INTS9: variants seen among roughly 807,000 people sequenced by gnomAD.
The protein encoded by INTS9 is integrator complex subunit 9.
A neutral mutation model predicts 79.7 loss-of-function variants in INTS9; 55 were observed. The observed-to-expected ratio is 0.69, with a 90% CI of 0.56 to 0.86. INTS9 has a LOEUF of 0.86. INTS9 is among the 40% of genes least tolerant of loss of function. The pLI is 0.00. For missense variants in INTS9, 721 were observed against 831.5 expected, an observed-to-expected ratio of 0.87 and a Z score of 1.64; for synonymous variants, 319 against 325.2, an observed-to-expected ratio of 0.98 and a Z score of 0.20.
rs184359363 is a variant in INTS9 at position 28,807,806 on chromosome 8, T to C, written c.744+4521A>G. Among the ~76,000 whole-genome samples, 8 of 152,334 alleles carry C rather than the reference T, an allele frequency of 5.3e-5. No homozygotes were observed. The East Asian group carries it at 1.5e-3, about 29-fold the overall frequency. On this transcript the variant is annotated intron_variant, in intron 8 of 16. Coordinates refer to ENST00000521022, the MANE Select transcript of INTS9 (RefSeq NM_018250.4). ...CAAAAGCTTTCCTTTTACAGCCTTA[T>C]ACAAGACAAGGATGTCCACTATCAT...
chr8:28,860,946 T>A (rs1016075003), intron 1 of INTS9, among the ~76,000 whole-genome samples: 1 of 152,224 alleles, frequency 6.6e-6, no homozygotes, highest in Non-Finnish European at 1.5e-5. Context: ...CAGAGGATGT[T>A]ACAGGAACTG....
intron 2 of INTS9, among the ~76,000 whole-genome samples, chr8:28,856,073 T>C (rs1387101381): frequency 6.6e-6 from 1 of 152,246 alleles, no homozygotes; most frequent in East Asian, 1.9e-4. Context: ...AAAAGATGAC[T>C]CTTGATTGAG....
intron 5 of INTS9, among the ~76,000 whole-genome samples, chr8:28,835,647 A>T (rs1268011028): frequency 6.6e-6 from 1 of 152,166 alleles, no homozygotes; most frequent in Non-Finnish European, 1.5e-5. Flanking sequence ...TCTTGTCTCT[A>T]ATCATAGAAA....
intron 11 of INTS9, among the ~76,000 whole-genome samples, chr8:28,786,871 C>T (rs867097663): frequency 3.3e-5 from 5 of 152,266 alleles, no homozygotes; most frequent in South Asian, 4.1e-4. Flanking sequence ...GCACCCGCCA[C>T]CACGCCTGGC....
intron 2 of INTS9, among the ~76,000 whole-genome samples, 180 bp from the exon 3 acceptor site, chr8:28,850,453 T>G (rs557669906): frequency 1.3e-5 from 2 of 150,930 alleles, no homozygotes; most frequent in Non-Finnish European, 2.9e-5. Context: ...TTAAAAATTA[T>G]GTGGCAATAG....
chr8:28,836,350 G>A (rs1301759129), intron 5 of INTS9, among the ~76,000 whole-genome samples: 3 of 152,114 alleles, frequency 2.0e-5, no homozygotes, highest in Non-Finnish European at 2.9e-5. Context: ...AGAGAACTGC[G>A]GGAATTCTTG....
intron 4 of INTS9, among the ~76,000 whole-genome samples, chr8:28,840,399 C>G (rs1322002690): frequency 2.9e-4 from 43 of 146,684 alleles, no homozygotes; most frequent in African/African-American, 1.0e-3. Context: ...CCTCAGGGAT[C>G]TAGAACTAGA....
chr8:28,833,355 C>T lies in INTS9; in HGVS notation c.488+1937G>A, dbSNP rs945622407. 7.9e-5 allele frequency among the ~76,000 whole-genome samples: 12 copies of T among 152,240 alleles called. No homozygotes were observed. In the South Asian group the frequency reaches 2.3e-3, roughly 29 times the overall value. ...TATAAGACTATGCCGGGTGCAGTGG[C>T]TCACACCTGTAATCCCAGCACTTTG... On this transcript the variant is annotated intron_variant, in intron 6 of 16. Transcript: ENST00000521022.
Position 28,850,218 on chromosome 8 carries a change from C to G in INTS9, c.193G>C (p.Asp65His). The G allele has an allele frequency of 6.2e-7, 1 of 1,613,326 alleles. No homozygotes were observed. Among genetic ancestry groups the G allele is most frequent in the Non-Finnish European group, 8.5e-7 (1 of 1,179,396 alleles). The change falls in exon 3 of 17, where the codon GAC becomes CAC. Residue 65 changes from aspartate to histidine, a missense_variant. Transcript: ENST00000521022. ...TTTGTAGTCTTAGATATTACCTTGT[C>G]CAAGAAAGCATTTCCATCCTTCAGG... ...WSLKDGNAFL[D>H]KELKECSGHV... is the part of the protein sequence containing the mutation.
At chr8:28,777,470 C>T (rs751142080) in intron 13 of INTS9, among the ~76,000 whole-genome samples, 3 of 152,096 alleles carry the variant, frequency 2.0e-5, no homozygotes, top group Admixed American at 6.5e-5. Flanking sequence ...CCAGCCTACA[C>T]GTGCGACACG....
chr8:28,796,002 T>C (rs1804195633), intron 9 of INTS9, among the ~76,000 whole-genome samples: 2 of 152,098 alleles, frequency 1.3e-5, no homozygotes, highest in Non-Finnish European at 2.9e-5. Context: ...CAACCAAATA[T>C]TAGTGGGGAA....
At chr8:28,783,242 T>C (rs241193) in intron 11 of INTS9, among the ~76,000 whole-genome samples, 151,065 of 151,948 alleles carry the variant, frequency 0.99, 75,097 homozygotes, top group Middle Eastern at 1. Context: ...CCCTGCAGCA[T>C]AACACTTGAC....
intron 4 of INTS9, among the ~76,000 whole-genome samples, chr8:28,838,820 T>C (rs948337346): frequency 2.8e-4 from 43 of 152,268 alleles, no homozygotes; most frequent in East Asian, 1.2e-3. Flanking sequence ...GCCCGGTCTG[T>C]CTGTGTAACT....
chr8:28,788,321 T>C (rs1458389950), intron 10 of INTS9, among the ~76,000 whole-genome samples: 1 of 152,206 alleles, frequency 6.6e-6, no homozygotes. Context: ...GTCCCTTTTC[T>C]GTTCCAGGAT....
Position 28,768,291 on chromosome 8 carries a change from G to A in INTS9, c.1832C>T (p.Thr611Ile). 2 of 1,613,930 alleles carry A rather than the reference G, an allele frequency of 1.2e-6. No homozygotes were observed. The highest frequency in any genetic ancestry group is 1.7e-6 in the Non-Finnish European group (2 of 1,180,028). Residue 611 changes from threonine (T) to isoleucine (I), a missense_variant, in exon 17 of 17, where the codon ACA becomes ATA. Physicochemically the swap from Thr to Ile is moderately conservative, Grantham distance 89 (BLOSUM62 -1). Transcript: ENST00000521022. The part of the protein sequence containing the change: ...HGFSDIKVED[T>I]AKGHIVLLQE... ...GAGCAGGACGATATGGCCCTTGGCT[G>A]TGTCCTCCACCTTAATATCACTGAA... is the stretch of plus-strand genomic sequence containing the variant.
intron 5 of INTS9, among the ~76,000 whole-genome samples, chr8:28,836,347 T>C (rs1277067391): frequency 6.6e-6 from 1 of 152,166 alleles, no homozygotes; most frequent in Non-Finnish European, 1.5e-5. Context: ...GACAGAGAAC[T>C]GCGGGAATTC....
At chr8:28,865,468 T>C (rs1292852542) in intron 1 of INTS9, among the ~76,000 whole-genome samples, 1 of 138,364 alleles carries the variant, frequency 7.2e-6, no homozygotes, top group Non-Finnish European at 1.5e-5. Flanking sequence ...CTAGACCCCA[T>C]CTCTAAAAAA....
chr8:28,815,269 G>A (rs1805402725), intron 6 of INTS9, among the ~76,000 whole-genome samples: 1 of 152,030 alleles, frequency 6.6e-6, no homozygotes, highest in African/African-American at 2.4e-5. Context: ...GTGAAAGCAT[G>A]CCAACAATAC....
At chr8:28,777,698 A>G in intron 13 of INTS9, 131 bp downstream of exon 13, 1 of 1,038,918 alleles carries the variant, frequency 9.6e-7, no homozygotes, top group Non-Finnish European at 1.3e-6. Context: ...GTGTCCCAGC[A>G]TTCTGCAGAT....
Sources: allele counts gnomAD v4.1 joint callset (sites outside exome capture counted in the v4.1 genomes callset), GRCh38; gene constraint gnomAD v4.1.1; transcripts MANE v1.5; gene names NCBI Gene and HGNC (gene_info 2026-07-23, HGNC 2026-07-21).